Variants in NRXN1 observed in about 807,000 individuals in gnomAD.
NRXN1 encodes the protein neurexin-1.
NRXN1 carries 39 observed loss-of-function variants against 150.9 expected under a neutral mutation model. The ratio of observed to expected loss-of-function variants is 0.26; its 90% confidence interval spans 0.20 to 0.34. The LOEUF is 0.34. NRXN1 is among the 10% of genes least tolerant of loss of function. NRXN1 has a pLI of 1.00. For synonymous variants in NRXN1, 924 were observed against 757.0 expected (o/e 1.22, Z -3.62); for missense variants, 1,815 against 1,949.9 (o/e 0.93, Z 1.30).
intron 21 of NRXN1, among the ~76,000 whole-genome samples, chr2:49,979,324 G>T (rs1459966238): frequency 4.6e-5 from 7 of 151,892 alleles, no homozygotes; most frequent in Non-Finnish European, 1.0e-4. Context: ...TAGAGGGAGG[G>T]GAAAAGTTGA....
intron 17 of NRXN1, among the ~76,000 whole-genome samples, chr2:50,390,070 CTG>C (rs1315109046): frequency 2.0e-5 from 3 of 152,108 alleles, no homozygotes; most frequent in African/African-American, 7.2e-5. Flanking sequence ...TAGTATTAGA[CTG>C]TATTGAGTAT....
chr2:50,385,532 C>T (rs1353098457), intron 17 of NRXN1, among the ~76,000 whole-genome samples: 1 of 152,190 alleles, frequency 6.6e-6, no homozygotes, highest in Non-Finnish European at 1.5e-5. Context: ...GCTTACACCT[C>T]AAACCAACAC....
At position 49,922,040 on chromosome 2, in the gene NRXN1, T is replaced by C. The variant is rs184343684; in HGVS notation, c.4428A>G (p.Ala1476=). The part of the protein sequence containing the change: ...DESRNYISNS[A]QSNGAVVKEK... ...CCTTTACAACAGCCCCATTGGACTG[T>C]GCTGAGTTACTGATGTAGTTTCGAC... is the stretch of plus-strand genomic sequence containing the variant. Residue 1476 remains alanine, a synonymous_variant, in exon 23 of 23, where the codon GCA becomes GCG. Coordinates refer to ENST00000401669, the MANE Select transcript of NRXN1 (RefSeq NM_001330078.2). The C allele has an allele frequency of 6.8e-5, 109 of 1,614,172 alleles. No individual in the cohort carries two copies. The highest frequency in any genetic ancestry group is 8.8e-5 in the Non-Finnish European group (104 of 1,180,026).
intron 8 of NRXN1, among the ~76,000 whole-genome samples, chr2:50,559,084 A>AAAAT (rs61143105): frequency 0.041 from 6,159 of 151,964 alleles, 386 homozygotes; most frequent in African/African-American, 0.14. Context: ...TCCGTCTCAA[A>AAAAT]AAATAAATAA....
chr2:50,267,411 A>C lies in NRXN1; in HGVS notation c.3365-30441T>G, dbSNP rs185315765. Reference sequence around the variant, plus strand: ...ATGTTTATGGTACATATATTTCTTCAAAGTAAGAAAGAACTATTCATTTCA... The same window carrying C: ...ATGTTTATGGTACATATATTTCTTCCAAGTAAGAAAGAACTATTCATTTCA... On this transcript the variant is annotated intron_variant, in intron 17 of 22. Transcript: ENST00000401669. Among the ~76,000 whole-genome samples, 276 of 152,332 alleles carry C rather than the reference A, an allele frequency of 1.8e-3. 1 individual carries two copies. Among genetic ancestry groups the C allele is most frequent in the African/African-American group, 6.4e-3 (268 of 41,572 alleles).
At chr2:49,953,756 G>A (rs1674410459) in intron 21 of NRXN1, among the ~76,000 whole-genome samples, 1 of 151,938 alleles carries the variant, frequency 6.6e-6, no homozygotes, top group African/African-American at 2.4e-5. Flanking sequence ...AAGACATTTT[G>A]GAAAGTGTAA....
chr2:50,981,363 C>T (rs553239380), intron 2 of NRXN1, among the ~76,000 whole-genome samples: 1 of 140,560 alleles, frequency 7.1e-6, no homozygotes, highest in East Asian at 2.2e-4. Context: ...GAGGCTGAGG[C>T]AGGAGAGTTA....
At position 50,556,580 on chromosome 2, in the gene NRXN1, C is replaced by T. The variant is rs911563399; in HGVS notation, c.1321-3555G>A. On this transcript the variant is annotated intron_variant, in intron 8 of 22. Transcript: ENST00000401669. Reference sequence around the variant, plus strand: ...CGCTTCATGGGCTTCTTTCCCATTTCTTCAAATATTTGTTAGAATTTTTAG... The same window carrying T: ...CGCTTCATGGGCTTCTTTCCCATTTTTTCAAATATTTGTTAGAATTTTTAG... 3.3e-5 allele frequency among the ~76,000 whole-genome samples: 5 copies of T among 149,416 alleles called. No homozygotes were observed. In the South Asian group the frequency reaches 1.1e-3, roughly 32 times the overall value.
At chr2:50,594,749 A>G (rs1024653802) in intron 8 of NRXN1, among the ~76,000 whole-genome samples, 2 of 152,154 alleles carry the variant, frequency 1.3e-5, no homozygotes, top group Non-Finnish European at 2.9e-5. Flanking sequence ...GAATCCTATA[A>G]AGAGAGGACA....
At chr2:50,357,195 G>C (rs949638569) in intron 17 of NRXN1, among the ~76,000 whole-genome samples, 2 of 152,062 alleles carry the variant, frequency 1.3e-5, no homozygotes, top group East Asian at 1.9e-4. Context: ...CTTTAACCCA[G>C]TTCAAGGCAG....
chr2:50,667,822 C>T lies in NRXN1; in HGVS notation c.833-44207G>A, dbSNP rs543659521. ...ATCTATTCTAACTGCATTAAAAGTT[C>T]CCAGAGTTTTGGAGCCATAGTCTGA... On this transcript the variant is annotated intron_variant, in intron 5 of 22. Coordinates refer to ENST00000401669, the MANE Select transcript of NRXN1 (RefSeq NM_001330078.2). Among the ~76,000 whole-genome samples the T allele has an allele frequency of 6.6e-5, 10 of 152,070 alleles. No individual in the cohort carries two copies. The Middle Eastern group carries it at 0.01, about 155-fold the overall frequency.
intron 5 of NRXN1, among the ~76,000 whole-genome samples, chr2:50,778,395 G>C (rs1401299063): frequency 6.6e-6 from 1 of 152,054 alleles, no homozygotes; most frequent in East Asian, 1.9e-4. Flanking sequence ...TACTGTGCTG[G>C]GTGCTCCCCC....
chr2:50,580,872 T>C (rs1672160897), intron 8 of NRXN1, among the ~76,000 whole-genome samples: 1 of 152,014 alleles, frequency 6.6e-6, no homozygotes. Context: ...CTAATGAAAA[T>C]AATGGAGAGA....
At chr2:50,078,543 T>C (rs1034790825) in intron 19 of NRXN1, among the ~76,000 whole-genome samples, 3 of 151,614 alleles carry the variant, frequency 2.0e-5, no homozygotes, top group African/African-American at 7.3e-5. Flanking sequence ...TTTCAACTAA[T>C]GTCCTTTTTC....
chr2:49,995,557 G>T (rs534301688), intron 21 of NRXN1, among the ~76,000 whole-genome samples: 1 of 151,626 alleles, frequency 6.6e-6, no homozygotes, highest in Non-Finnish European at 1.5e-5. Flanking sequence ...CGAGGCGGGC[G>T]GATCACGAGG....
At position 50,201,064 on chromosome 2, in the gene NRXN1, T is replaced by C. The variant is rs528234347; in HGVS notation, c.3546+35725A>G. ...TTCTGAGGCCAGTATTTTAATATCC[T>C]TTCAAGTATTGTTTTCAAGATGTAT... On this transcript the variant is annotated intron_variant, in intron 18 of 22. Coordinates refer to ENST00000401669, the MANE Select transcript of NRXN1 (RefSeq NM_001330078.2). Among the ~76,000 whole-genome samples the C allele has an allele frequency of 2.6e-5, 4 of 152,288 alleles. No homozygotes were observed. In the South Asian group the frequency reaches 8.3e-4, roughly 32 times the overall value.
At chr2:50,685,611 G>A (rs759300269) in intron 5 of NRXN1, among the ~76,000 whole-genome samples, 2 of 151,966 alleles carry the variant, frequency 1.3e-5, no homozygotes, top group African/African-American at 2.4e-5. Context: ...CCTCCAATGA[G>A]TATAGGATCC....
chr2:50,798,423 C>A (rs879514776), intron 5 of NRXN1, among the ~76,000 whole-genome samples: 24 of 152,086 alleles, frequency 1.6e-4, no homozygotes, highest in Non-Finnish European at 2.8e-4. Flanking sequence ...AGTTTCAGCA[C>A]CACATGAAAA....
chr2:49,954,679 C>G (rs932278444), intron 21 of NRXN1, among the ~76,000 whole-genome samples: 1 of 152,158 alleles, frequency 6.6e-6, no homozygotes, highest in Non-Finnish European at 1.5e-5. Context: ...TATAATATGA[C>G]TTTACCTATG....
Sources: gnomAD v4.1 joint callset for allele counts (sites outside exome capture counted in the v4.1 genomes callset) on GRCh38, gnomAD v4.1.1 for gene constraint, MANE v1.5 for transcripts, NCBI Gene and HGNC (gene_info 2026-07-23, HGNC 2026-07-21) for gene names.